The following TNFRSF19 variants were observed in gnomAD, a reference collection of about 807,000 sequenced individuals.
The protein encoded by TNFRSF19 is TNF receptor superfamily member 19.
In TNFRSF19, 27 loss-of-function variants were observed where a neutral mutation model predicts 46.4. That is an observed-to-expected ratio of 0.58 (90% CI 0.43 to 0.80). TNFRSF19 has a LOEUF of 0.80. Ranked by LOEUF, TNFRSF19 falls within the 30% of genes least tolerant of loss-of-function variation. The pLI, the probability that TNFRSF19 is intolerant of heterozygous loss-of-function variation, is 0.00. For synonymous variants in TNFRSF19, 204 were observed against 205.0 expected (o/e 1.00, Z 0.04); for missense variants, 511 against 530.8 (o/e 0.96, Z 0.37).
At chr13:23,666,785 C>A (rs907039049) in intron 7 of TNFRSF19, among the ~76,000 whole-genome samples, 1 of 152,174 alleles carries the variant, frequency 6.6e-6, no homozygotes, top group Non-Finnish European at 1.5e-5. Flanking sequence ...TTTAGATGGT[C>A]TGGACGGAGG....
At chr13:23,588,786 T>C (rs1879032150) in intron 1 of TNFRSF19, among the ~76,000 whole-genome samples, 1 of 152,222 alleles carries the variant, frequency 6.6e-6, no homozygotes, top group South Asian at 2.1e-4. Flanking sequence ...TTTTGAGATA[T>C]GCCAGCAGGA....
intron 5 of TNFRSF19, among the ~76,000 whole-genome samples, chr13:23,657,616 A>C (rs1884064863): frequency 6.6e-6 from 1 of 152,260 alleles, no homozygotes; most frequent in African/African-American, 2.4e-5. Context: ...TATTGAATAC[A>C]TATTGAAATG....
chr13:23,575,561 T>C (rs1028548715), intron 1 of TNFRSF19, among the ~76,000 whole-genome samples: 13 of 152,192 alleles, frequency 8.5e-5, no homozygotes, highest in African/African-American at 3.1e-4. Context: ...AATAGCTAGG[T>C]CTTGGGGGTT....
intron 3 of TNFRSF19, among the ~76,000 whole-genome samples, chr13:23,602,030 A>G (rs1880197265): frequency 6.6e-6 from 1 of 152,194 alleles, no homozygotes; most frequent in Non-Finnish European, 1.5e-5. Context: ...AACTATATCA[A>G]TAATCATTTT....
intron 3 of TNFRSF19, among the ~76,000 whole-genome samples, chr13:23,610,247 C>T (rs1880801607): frequency 6.6e-6 from 1 of 152,228 alleles, no homozygotes; most frequent in African/African-American, 2.4e-5. Flanking sequence ...GTCTGAAGAG[C>T]TGCTCCTCCA....
intron 3 of TNFRSF19, among the ~76,000 whole-genome samples, chr13:23,603,783 C>G (rs1880329068): frequency 6.6e-6 from 1 of 151,866 alleles, no homozygotes; most frequent in African/African-American, 2.4e-5. Flanking sequence ...GATTAAACAA[C>G]AACAACAACA....
intron 4 of TNFRSF19, among the ~76,000 whole-genome samples, chr13:23,617,235 G>T (rs4411364): frequency 0.2 from 30,778 of 152,014 alleles, 3,752 homozygotes; most frequent in East Asian, 0.3. Context: ...AGAGGGAGGC[G>T]TGCAGTACAC....
intron 7 of TNFRSF19, among the ~76,000 whole-genome samples, chr13:23,661,180 C>T (rs1884343035): frequency 6.6e-6 from 1 of 152,044 alleles, no homozygotes. Context: ...TTTTCTGCTC[C>T]TCTCCCTCCT....
At chr13:23,575,581 C>T (rs1877901606) in intron 1 of TNFRSF19, among the ~76,000 whole-genome samples, 1 of 152,202 alleles carries the variant, frequency 6.6e-6, no homozygotes, top group Non-Finnish European at 1.5e-5. Flanking sequence ...TCCTCCTCCA[C>T]TTATTTTCTT....
At chr13:23,608,627 C>T (rs1024036673) in intron 3 of TNFRSF19, among the ~76,000 whole-genome samples, 9 of 152,208 alleles carry the variant, frequency 5.9e-5, no homozygotes, top group African/African-American at 2.2e-4. Flanking sequence ...GAAGTGGTCT[C>T]TATCTGCTCT....
rs571529202 is a variant in TNFRSF19, at chr13:23,591,631, C to T, written c.69+1379C>T. ...CGGTCTCTCTGTGGTGGAAGGGAAG[C>T]TCCTACCCCTTATAAATAAGTAAAC... is the stretch of plus-strand genomic sequence containing the variant. On this transcript the variant is annotated intron_variant, in intron 2 of 9. Coordinates refer to ENST00000248484, the MANE Select transcript of TNFRSF19 (RefSeq NM_148957.4). 9.9e-5 allele frequency among the ~76,000 whole-genome samples: 15 copies of T among 151,894 alleles called. No individual in the cohort carries two copies. In the South Asian group the frequency reaches 2.5e-3, roughly 25 times the overall value.
chr13:23,602,191 A>T (rs2138213554), intron 3 of TNFRSF19, among the ~76,000 whole-genome samples: 1 of 152,302 alleles, frequency 6.6e-6, no homozygotes, highest in Middle Eastern at 3.4e-3. Context: ...TACCATGCTA[A>T]CACTAATCAG....
intron 3 of TNFRSF19, among the ~76,000 whole-genome samples, chr13:23,598,348 A>G (rs946299087): frequency 3.3e-5 from 5 of 152,174 alleles, no homozygotes; most frequent in African/African-American, 1.2e-4. Context: ...ACAAACCTGC[A>G]CGTTCTGCAC....
At position 23,669,022 on chromosome 13, in the gene TNFRSF19, T is replaced by C. The variant is rs760164387; in HGVS notation, c.1170T>C (p.Asp390=). The C allele has an allele frequency of 3.1e-6, 5 of 1,614,098 alleles. No individual in the cohort carries two copies. Among genetic ancestry groups the C allele is most frequent in the African/African-American group, 1.3e-5 (1 of 74,926 alleles). Residue 390 remains aspartate, a synonymous_variant, in exon 9 of 10, where the codon GAT becomes GAC. Transcript: ENST00000248484. ...TGGTAGAATCAGCATCAACTCAGGA[T>C]GCACTAACTATGAGAAGCCAGCTAG... ...NTLVESASTQ[D]ALTMRSQLDQ...
intron 9 of TNFRSF19, among the ~76,000 whole-genome samples, chr13:23,671,298 T>C (rs1474156983): frequency 6.6e-6 from 1 of 152,210 alleles, no homozygotes; most frequent in Non-Finnish European, 1.5e-5. Flanking sequence ...TACACTCAAG[T>C]TGCACAGTAT....
intron 3 of TNFRSF19, among the ~76,000 whole-genome samples, chr13:23,607,432 A>G (rs1880587805): frequency 1.3e-5 from 2 of 152,142 alleles, no homozygotes; most frequent in Non-Finnish European, 2.9e-5. Flanking sequence ...GAAATAAATA[A>G]ATAGATAAAT....
intron 5 of TNFRSF19, among the ~76,000 whole-genome samples, chr13:23,649,111 C>T (rs1883488951): frequency 6.6e-6 from 1 of 152,084 alleles, no homozygotes; most frequent in African/African-American, 2.4e-5. Context: ...AAGTGTTCTC[C>T]CCTCTTCATT....
At chr13:23,618,770 T>A (rs1383444295) in intron 4 of TNFRSF19, among the ~76,000 whole-genome samples, 2 of 152,194 alleles carry the variant, frequency 1.3e-5, no homozygotes, top group Non-Finnish European at 1.5e-5. Context: ...AAGCTCTGGT[T>A]TGAATGTGTC....
intron 3 of TNFRSF19, among the ~76,000 whole-genome samples, chr13:23,601,764 A>G (rs1012388206): frequency 5.9e-5 from 9 of 152,180 alleles, no homozygotes; most frequent in African/African-American, 2.2e-4. Flanking sequence ...TAAGGTATTC[A>G]CACTATCTGT....
Sources: allele counts gnomAD v4.1 joint callset (sites outside exome capture counted in the v4.1 genomes callset), GRCh38; gene constraint gnomAD v4.1.1; transcripts MANE v1.5; gene names NCBI Gene and HGNC (gene_info 2026-07-23, HGNC 2026-07-21).